The following ARHGEF4 variants were observed in gnomAD, a reference collection of about 807,000 sequenced individuals.
ARHGEF4 encodes Rho guanine nucleotide exchange factor 4, also known as APC-stimulated guanine nucleotide exchange factor 1.
In ARHGEF4, 119 loss-of-function variants were observed where a neutral mutation model predicts 162.0. The observed-to-expected ratio is 0.73, with a 90% confidence interval of 0.63 to 0.86. The LOEUF is 0.86. Among genes scored for constraint, ARHGEF4 ranks in the 40% least tolerant of loss-of-function variants. The pLI, the probability that ARHGEF4 is intolerant of heterozygous loss-of-function variation, is 0.00. For missense variants in ARHGEF4, 2,488 were observed against 2,456.0 expected (o/e 1.01, Z -0.28); for synonymous variants, 1,014 against 979.9 (o/e 1.03, Z -0.65).
chr2:130,868,516 G>T (rs1026029185), intron 1 of ARHGEF4, among the ~76,000 whole-genome samples: 4 of 152,120 alleles, frequency 2.6e-5, no homozygotes, highest in Admixed American at 2.0e-4. Context: ...TCTGAGGCGG[G>T]AGAAAGCGTG....
At chr2:130,934,420 G>A (rs1682819733) in intron 3 of ARHGEF4, among the ~76,000 whole-genome samples, 1 of 151,770 alleles carries the variant, frequency 6.6e-6, no homozygotes, top group Admixed American at 6.6e-5. Context: ...TCTGGTCCTG[G>A]GCTTTTCTTT....
intron 4 of ARHGEF4, chr2:131,011,911 A>G (rs568645295): frequency 7.1e-6 from 5 of 702,648 alleles, no homozygotes; most frequent in South Asian, 5.9e-5. Flanking sequence ...CACTGGAGGT[A>G]CGTGGTGGAC....
At chr2:131,045,912 T>A in intron 13 of ARHGEF4, 126 bp from the exon 14 acceptor site, 1 of 1,495,872 alleles carries the variant, frequency 6.7e-7, no homozygotes. Context: ...AAGTCCTGTG[T>A]GGCAAAACTG....
At chr2:130,865,882 T>G in intron 1 of ARHGEF4, among the ~76,000 whole-genome samples, 1 of 152,136 alleles carries the variant, frequency 6.6e-6, no homozygotes, top group East Asian at 1.9e-4. Context: ...GGATCTCTGG[T>G]GCCTGACCAG....
chr2:130,893,239 T>G (rs886983211), intron 1 of ARHGEF4, among the ~76,000 whole-genome samples: 1 of 152,204 alleles, frequency 6.6e-6, no homozygotes, highest in African/African-American at 2.4e-5. Context: ...CCCGCCTCCC[T>G]GTCTCTAGAG....
At chr2:131,017,280 T>A (rs1361476494) in intron 4 of ARHGEF4, among the ~76,000 whole-genome samples, 1 of 152,192 alleles carries the variant, frequency 6.6e-6, no homozygotes, top group African/African-American at 2.4e-5. Context: ...ACTGGCTGTT[T>A]GCACAGAGCC....
chr2:130,931,629 A>G (rs1301203304), intron 3 of ARHGEF4, among the ~76,000 whole-genome samples: 1 of 152,256 alleles, frequency 6.6e-6, no homozygotes, highest in African/African-American at 2.4e-5. Context: ...TGCCACTCAC[A>G]GAGGCACAGA....
At chr2:130,995,645 T>A (rs1183978400) in intron 4 of ARHGEF4, among the ~76,000 whole-genome samples, 1 of 152,230 alleles carries the variant, frequency 6.6e-6, no homozygotes, top group Non-Finnish European at 1.5e-5. Context: ...AGAGGATTTA[T>A]ATTTGCTTCT....
intron 1 of ARHGEF4, among the ~76,000 whole-genome samples, chr2:130,850,678 A>G (rs1197980650): frequency 6.6e-6 from 1 of 152,208 alleles, no homozygotes; most frequent in Non-Finnish European, 1.5e-5. Context: ...ACAGGGTGGT[A>G]TCCCTACCCC....
In ARHGEF4 at chr2:130,923,872, ATTC is replaced by A. The variant is rs1682049833; in HGVS notation, c.3552+6377_3552+6379del. ...ATGCTTTAGCTGCAGTCTTTCTTTT[ATTC>A]TTTTCTTTTCTTTTTTTTTTTTTGA... On this transcript the variant is annotated intron_variant, in intron 2 of 13. Transcript: ENST00000409359. Among the ~76,000 whole-genome samples the A allele has an allele frequency of 8.9e-5, 12 of 134,748 alleles. No homozygotes were observed. In the South Asian group the frequency reaches 3.0e-3, roughly 34 times the overall value. 88.4% of individuals were successfully genotyped at this position (134,748 alleles called of 152,430 possible).
intron 13 of ARHGEF4, 120 bp downstream of exon 13, chr2:131,045,566 C>T (rs1691184204): frequency 1.2e-6 from 2 of 1,603,964 alleles, no homozygotes; most frequent in South Asian, 1.1e-5. Flanking sequence ...GGCCCACTGC[C>T]CTTTGCAGCT....
rs988666575 is a variant in ARHGEF4 at position 131,047,149 on chromosome 2, G to C, written c.*960G>C. ...AGCAGAGCCAGGGCCTGGCGAGCTG[G>C]CGTGGAGCCCACAGGATTCAGCAGC... On this transcript the variant is annotated 3_prime_UTR_variant, in exon 14 of 14. Coordinates refer to ENST00000409359, the MANE Select transcript of ARHGEF4 (RefSeq NM_001367493.1). 25 of 152,386 alleles carry C rather than the reference G, an allele frequency of 1.6e-4. No homozygotes were observed. Among genetic ancestry groups the C allele is most frequent in the African/African-American group, 6.0e-4 (25 of 41,478 alleles). 9.4% of individuals were successfully genotyped at this position (152,386 alleles called of 1,614,324 possible).
At chr2:130,951,832 T>C (rs906899274) in intron 4 of ARHGEF4, among the ~76,000 whole-genome samples, 4 of 152,122 alleles carry the variant, frequency 2.6e-5, no homozygotes, top group African/African-American at 9.7e-5. Context: ...CCCTTCCCCC[T>C]TTTTGTGTGG....
intron 4 of ARHGEF4, among the ~76,000 whole-genome samples, chr2:130,988,741 T>C (rs1428669792): frequency 6.6e-6 from 1 of 152,106 alleles, no homozygotes; most frequent in Non-Finnish European, 1.5e-5. Flanking sequence ...ATCATACAGA[T>C]ATGTCATACT....
At chr2:130,866,642 A>G (rs75759389) in intron 1 of ARHGEF4, among the ~76,000 whole-genome samples, 71 of 152,292 alleles carry the variant, frequency 4.7e-4, no homozygotes, top group Non-Finnish European at 8.1e-4. Context: ...TGATTGGTCT[A>G]TGATTTCTCT....
At chr2:130,980,470 A>G (rs1276567118) in intron 4 of ARHGEF4, among the ~76,000 whole-genome samples, 6 of 152,250 alleles carry the variant, frequency 3.9e-5, no homozygotes, top group African/African-American at 7.2e-5. Context: ...TCATTAAAAA[A>G]TGATAAATGC....
chr2:130,888,486 C>T (rs1334097072), intron 1 of ARHGEF4, among the ~76,000 whole-genome samples: 1 of 151,910 alleles, frequency 6.6e-6, no homozygotes, highest in East Asian at 1.9e-4. Context: ...AAGTGCTTAA[C>T]TTATTAATGC....
At chr2:130,893,054 T>A (rs1278942313) in intron 1 of ARHGEF4, among the ~76,000 whole-genome samples, 1 of 152,256 alleles carries the variant, frequency 6.6e-6, no homozygotes, top group Non-Finnish European at 1.5e-5. Context: ...GCAAAGCCCC[T>A]GCACCTGGTT....
chr2:130,886,764 T>A lies in ARHGEF4; in HGVS notation c.40-27222T>A, dbSNP rs188711562. ...CGAAGTTTCCTTTGGGGAAAAAAAA[T>A]TAGTAATAATTCAATTCCTTTAATG... On this transcript the variant is annotated intron_variant, in intron 1 of 13. Transcript: ENST00000409359. Among the ~76,000 whole-genome samples the A allele has an allele frequency of 6.4e-4, 97 of 152,106 alleles. 1 individual carries two copies. In the East Asian group the frequency reaches 8.3e-3, roughly 13 times the overall value.
Sources: allele counts gnomAD v4.1 joint callset (sites outside exome capture counted in the v4.1 genomes callset), GRCh38; gene constraint gnomAD v4.1.1; transcripts MANE v1.5; gene names NCBI Gene and HGNC (gene_info 2026-07-23, HGNC 2026-07-21).